TMCO4: variants seen among roughly 807,000 people sequenced by gnomAD.
The protein encoded by TMCO4 is transmembrane and coiled-coil domain-containing protein 4.
Under a neutral mutation model 64.7 loss-of-function variants are expected in TMCO4, and 58 were observed. The observed-to-expected ratio is 0.90, with a 90% CI of 0.73 to 1.12. The LOEUF is 1.12. Ranked by LOEUF, TMCO4 falls within the 50% of genes most tolerant of loss-of-function variation. TMCO4 has a pLI of 0.00. For synonymous variants in TMCO4, 325 were observed against 346.1 expected, an observed-to-expected ratio of 0.94 and a Z score of 0.68; for missense variants, 780 against 825.9, an observed-to-expected ratio of 0.94 and a Z score of 0.68.
chr1:19,774,020 T>C (rs959047080), intron 4 of TMCO4, among the ~76,000 whole-genome samples: 1 of 152,030 alleles, frequency 6.6e-6, no homozygotes, highest in Admixed American at 6.6e-5. Context: ...CACAGGTGAG[T>C]TGGGCAGGTT....
chr1:19,782,186 T>C (rs574546710), intron 3 of TMCO4, among the ~76,000 whole-genome samples: 1 of 152,278 alleles, frequency 6.6e-6, no homozygotes, highest in Non-Finnish European at 1.5e-5. Flanking sequence ...AATGGATAAA[T>C]GGTCATATTC....
At chr1:19,751,774 C>T (rs998526781) in intron 7 of TMCO4, among the ~76,000 whole-genome samples, 13 of 152,184 alleles carry the variant, frequency 8.5e-5, no homozygotes, top group Admixed American at 1.3e-4. Flanking sequence ...GGGGGCCGGG[C>T]GTGGTGGCTC....
At chr1:19,752,697 C>T (rs1010540708) in intron 7 of TMCO4, among the ~76,000 whole-genome samples, 2 of 152,106 alleles carry the variant, frequency 1.3e-5, no homozygotes, top group Non-Finnish European at 2.9e-5. Context: ...CTGCCACTGC[C>T]AGCCAGGCCT....
chr1:19,712,584 C>T (rs1308739207), intron 13 of TMCO4, among the ~76,000 whole-genome samples: 1 of 148,474 alleles, frequency 6.7e-6, no homozygotes, highest in African/African-American at 2.5e-5. Context: ...CATGCCACTG[C>T]ACTCCAGCCT....
rs563458743 is a variant in TMCO4, at chr1:19,762,478, A to G, written c.383-6712T>C. Reference sequence around the variant, plus strand: ...CATACTGTGGGAGCCCCTGGAGCCAACTGGTCCCCCTGCTTCAACAAGAGC... The same window carrying G: ...CATACTGTGGGAGCCCCTGGAGCCAGCTGGTCCCCCTGCTTCAACAAGAGC... On this transcript the variant is annotated intron_variant, in intron 6 of 15. Transcript: ENST00000294543. 2.0e-5 allele frequency among the ~76,000 whole-genome samples: 3 copies of G among 152,296 alleles called. No homozygotes were observed. In the East Asian group the frequency reaches 5.8e-4, roughly 29 times the overall value.
chr1:19,750,320 T>A (rs983436780), intron 7 of TMCO4: 3 of 152,158 alleles, frequency 2.0e-5, no homozygotes, highest in African/African-American at 7.2e-5. Flanking sequence ...AGACAAGCGA[T>A]GTGGCGCTGA....
At chr1:19,698,185 G>A (rs889637400) in intron 14 of TMCO4, among the ~76,000 whole-genome samples, 3 of 152,144 alleles carry the variant, frequency 2.0e-5, no homozygotes, top group Non-Finnish European at 4.4e-5. Flanking sequence ...ACAAGGCCTC[G>A]AGCCACCTGT....
Position 19,745,336 on chromosome 1 carries a change from A to AT in TMCO4, c.877+195dup, listed in dbSNP as rs957868537. 5.9e-5 allele frequency: 48 copies of AT among 811,278 alleles called. No individual in the cohort carries two copies. In the Admixed American group the frequency reaches 8.9e-4, roughly 15 times the overall value. 50.3% of individuals were successfully genotyped at this position (811,278 alleles called of 1,614,324 possible). A position where few individuals can be genotyped will look rare whatever the true frequency, so the allele number is the denominator to read the frequency against. Reference sequence around the variant, plus strand: ...GGTGGATGGACAGGTGGGTAGGTGGATAGATGGATGGCGAGATGATGGGCA... The same window carrying AT: ...GGTGGATGGACAGGTGGGTAGGTGGATTAGATGGATGGCGAGATGATGGGCA... On this transcript the variant is annotated intron_variant, in intron 10 of 15. Transcript: ENST00000294543.
chr1:19,705,837 T>C (rs575300531), intron 13 of TMCO4, among the ~76,000 whole-genome samples: 1 of 152,114 alleles, frequency 6.6e-6, no homozygotes, highest in Non-Finnish European at 1.5e-5. Context: ...CAAAACCTTA[T>C]AATACTAGAA....
rs1212379959 is a variant in TMCO4, at chr1:19,701,000, G to C, written c.1265-115C>G. ...CACACACATACACATGCACACACGT[G>C]AACGTGGACAATCATGTGCAAATGT... is the stretch of plus-strand genomic sequence containing the variant. On this transcript the variant is annotated intron_variant, in intron 13 of 15. Coordinates refer to ENST00000294543, the MANE Select transcript of TMCO4 (RefSeq NM_181719.7). 6.4e-6 allele frequency: 5 copies of C among 784,598 alleles called. No homozygotes were observed. The East Asian group carries it at 1.3e-4, about 20-fold the overall frequency. The allele number at this position is 784,598 out of a possible 1,614,324, so 48.6% of individuals were successfully genotyped here.
chr1:19,777,005 CCACA>C (rs2043235828), intron 4 of TMCO4, among the ~76,000 whole-genome samples: 1 of 138,030 alleles, frequency 7.2e-6, no homozygotes, highest in African/African-American at 2.8e-5. Context: ...CCAGCCTGGG[CCACA>C]GAACGAGACA....
rs1343451141 is a variant in TMCO4 at position 19,743,194 on chromosome 1, G to A, written c.878-2253C>T. 6.6e-6 allele frequency among the ~76,000 whole-genome samples: 1 copy of A among 152,190 alleles called. No homozygotes were observed. Among genetic ancestry groups the A allele is most frequent in the Non-Finnish European group, 1.5e-5 (1 of 68,040 alleles). On this transcript the variant is annotated intron_variant, in intron 10 of 15. Transcript: ENST00000294543. This position sits in a 1 kb window ranked among gnomAD's most constrained non-coding sequence, Gnocchi z 4.1. ...CCTGCCCCTGCCCCTGACTAGCTGGGTGACCCTGGGCACCCCTTATAAGCC... is the reference window on the plus strand; with the variant it reads ...CCTGCCCCTGCCCCTGACTAGCTGGATGACCCTGGGCACCCCTTATAAGCC...
intron 14 of TMCO4, 104 bp from the exon 15 acceptor site, chr1:19,694,655 C>T (rs2095223725): frequency 3.9e-6 from 4 of 1,026,980 alleles, no homozygotes; most frequent in Non-Finnish European, 5.9e-6. Context: ...GGGAATGGAG[C>T]TTCTGGGGGA....
At chr1:19,723,597 G>A (rs2095395587) in intron 13 of TMCO4, among the ~76,000 whole-genome samples, 1 of 152,224 alleles carries the variant, frequency 6.6e-6, no homozygotes, top group Non-Finnish European at 1.5e-5. Flanking sequence ...CTAGTATTTG[G>A]GCATTTCTGG....
chr1:19,725,727 T>C (rs1263162532), intron 13 of TMCO4, among the ~76,000 whole-genome samples: 1 of 152,220 alleles, frequency 6.6e-6, no homozygotes, highest in Non-Finnish European at 1.5e-5. Flanking sequence ...GCTGGTTTCC[T>C]GACCAAAGGC....
intron 15 of TMCO4, among the ~76,000 whole-genome samples, chr1:19,685,634 C>T (rs1485591588): frequency 6.6e-6 from 1 of 151,466 alleles, no homozygotes; most frequent in African/African-American, 2.4e-5. Flanking sequence ...AATTGAGCCA[C>T]ACGGAGGTAA....
chr1:19,784,304 C>T (rs541325913), intron 3 of TMCO4, among the ~76,000 whole-genome samples: 2 of 152,224 alleles, frequency 1.3e-5, no homozygotes, highest in Admixed American at 6.5e-5. Context: ...GAGGCCGAGG[C>T]GGGTGGATCA....
chr1:19,780,043 A>G (rs1272971828), intron 4 of TMCO4, among the ~76,000 whole-genome samples: 1 of 152,116 alleles, frequency 6.6e-6, no homozygotes, highest in Admixed American at 6.6e-5. Context: ...CAGGGAAGAC[A>G]ATTTTTCCAG....
intron 2 of TMCO4, among the ~76,000 whole-genome samples, chr1:19,794,502 A>C (rs1281321201): frequency 6.6e-6 from 1 of 152,234 alleles, no homozygotes; most frequent in Non-Finnish European, 1.5e-5. Flanking sequence ...GAAATGGCAA[A>C]GTTTGTAATA....
Sources: allele counts gnomAD v4.1 joint callset (sites outside exome capture counted in the v4.1 genomes callset), GRCh38; gene constraint gnomAD v4.1.1; non-coding constraint Gnocchi (gnomAD v3.1); transcripts MANE v1.5; gene names NCBI Gene and HGNC (gene_info 2026-07-23, HGNC 2026-07-21).